The following ALG8 variants were observed in gnomAD, a reference collection of about 807,000 sequenced individuals.
ALG8 encodes the protein dolichyl pyrophosphate Glc1Man9GlcNAc2 alpha-1,3-glucosyltransferase.
A neutral mutation model predicts 70.2 loss-of-function variants in ALG8; 48 were observed. That is an observed-to-expected ratio of 0.68 (90% CI 0.54 to 0.87). The LOEUF is 0.87. ALG8 is among the 40% of genes least tolerant of loss of function. The pLI, the probability that ALG8 is intolerant of heterozygous loss-of-function variation, is 0.00. For synonymous variants in ALG8, 234 were observed against 229.0 expected (o/e 1.02, Z -0.20); for missense variants, 572 against 608.7 (o/e 0.94, Z 0.64).
In ALG8 at chr11:78,101,898, G is replaced by A. The variant is rs12279480; in HGVS notation, c.1350-703C>T. Among the ~76,000 whole-genome samples, 349 of 152,296 alleles carry A rather than the reference G, an allele frequency of 2.3e-3. 1 individual carries two copies. Among genetic ancestry groups the A allele is most frequent in the African/African-American group, 8.3e-3 (344 of 41,564 alleles). ...GCTCTGTCACCCAGACTGGAGTGCAGTGGTGCAATCTCAGCTTACTGCAAC... is the reference window on the plus strand; with the variant it reads ...GCTCTGTCACCCAGACTGGAGTGCAATGGTGCAATCTCAGCTTACTGCAAC... On this transcript the variant is annotated intron_variant, in intron 12 of 12. Coordinates refer to ENST00000299626, the MANE Select transcript of ALG8 (RefSeq NM_024079.5).
At chr11:78,123,976 AT>A (rs779968989) in intron 3 of ALG8, 44 bp downstream of exon 3, 7 of 1,603,368 alleles carry the variant, frequency 4.4e-6, no homozygotes, top group Non-Finnish European at 6.0e-6. Flanking sequence ...ACACTGTACT[AT>A]TTTTTCAATA....
At chr11:78,112,999 G>A (rs538268798) in intron 7 of ALG8, among the ~76,000 whole-genome samples, 84 of 152,086 alleles carry the variant, frequency 5.5e-4, no homozygotes, top group Non-Finnish European at 8.4e-4. Flanking sequence ...CTGAATACCC[G>A]TCCATACTAT....
rs1861300128 is a variant in ALG8, at chr11:78,131,291, T to C, written c.96-3855A>G. 2.0e-5 allele frequency among the ~76,000 whole-genome samples: 3 copies of C among 150,366 alleles called. No individual in the cohort carries two copies. In the South Asian group the frequency reaches 6.3e-4, roughly 32 times the overall value. ...ACATAATGATAAATAGTAACTACTT[T>C]TTTAAATTGCATTAACAAAATCTAC... On this transcript the variant is annotated intron_variant, in intron 1 of 12. Coordinates refer to ENST00000299626, the MANE Select transcript of ALG8 (RefSeq NM_024079.5).
At chr11:78,104,497 C>T in intron 10 of ALG8, 44 bp from the exon 11 acceptor site, 4 of 1,507,702 alleles carry the variant, frequency 2.7e-6, no homozygotes, top group Non-Finnish European at 2.7e-6. Flanking sequence ...TGTTATTACA[C>T]TTGCAAATAG....
In ALG8 at chr11:78,117,922, T is replaced by A. The variant is rs553476542; in HGVS notation, c.546+1260A>T. On this transcript the variant is annotated intron_variant, in intron 5 of 12. Coordinates refer to ENST00000299626, the MANE Select transcript of ALG8 (RefSeq NM_024079.5). The stretch of plus-strand genomic sequence containing the variant: ...CCGTCTCTACTAAAAATACAAAAAA[T>A]TAGCCGGGCGTGGTGGCAGGCGCCT... 1.3e-4 allele frequency among the ~76,000 whole-genome samples: 20 copies of A among 151,650 alleles called. No homozygotes were observed. The South Asian group carries it at 2.3e-3, about 17-fold the overall frequency.
chr11:78,112,834 A>G, intron 7 of ALG8, 64 bp from the exon 8 acceptor site: 1 of 1,578,302 alleles, frequency 6.3e-7, no homozygotes, highest in Non-Finnish European at 8.6e-7. Flanking sequence ...CAAAAAGAGA[A>G]CTAGGGAACT....
chr11:78,103,805 G>A (rs1227172717), intron 12 of ALG8, among the ~76,000 whole-genome samples, 175 bp downstream of exon 12: 1 of 152,126 alleles, frequency 6.6e-6, no homozygotes, highest in Non-Finnish European at 1.5e-5. Context: ...CACAAACTAT[G>A]TTGTCTCGAC....
At chr11:78,130,358 A>AAAAAAAAAAG (rs1861255749) in intron 1 of ALG8, among the ~76,000 whole-genome samples, 1 of 150,660 alleles carries the variant, frequency 6.6e-6, no homozygotes, top group Non-Finnish European at 1.5e-5. Context: ...CAAAAAAAAA[A>AAAAAAAAAAG]AAAAAAAAAG....
chr11:78,106,601 CAG>C (rs1327358759), intron 10 of ALG8, among the ~76,000 whole-genome samples: 1 of 152,144 alleles, frequency 6.6e-6, no homozygotes, highest in African/African-American at 2.4e-5. Flanking sequence ...AACGCAGAAA[CAG>C]AAATAGTACA....
chr11:78,109,461 C>A lies in ALG8; in HGVS notation c.1019G>T (p.Cys340Phe). 1 of 1,614,092 alleles carries A rather than the reference C, an allele frequency of 6.2e-7. No individual in the cohort carries two copies. Among genetic ancestry groups the A allele is most frequent in the Non-Finnish European group, 8.5e-7 (1 of 1,180,012 alleles). The part of the protein sequence containing the change: ...PSVTPLATLI[C>F]TLIAILPSIF... ...TCTTACCAATATGGCAATCAGTGTG[C>A]AGATGAGGGTTGCCAAGGGAGTCAC... Residue 340 changes from cysteine to phenylalanine, a missense_variant, in exon 9 of 13, where the codon TGC (cysteine) becomes TTC (phenylalanine). Transcript: ENST00000299626.
In ALG8 at chr11:78,111,949, A is replaced by T. The variant is rs1161666412; in HGVS notation, c.898+701T>A. Among the ~76,000 whole-genome samples, 10 of 152,232 alleles carry T rather than the reference A, an allele frequency of 6.6e-5. No homozygotes were observed. In the East Asian group the frequency reaches 1.9e-3, roughly 29 times the overall value. On this transcript the variant is annotated intron_variant, in intron 8 of 12. Coordinates refer to ENST00000299626, the MANE Select transcript of ALG8 (RefSeq NM_024079.5). ...TTTAATACCGAGAGTCACAACTTAC[A>T]TATTCTTCTTTCTTGTATGTTTAGG...
chr11:78,104,545 C>CT, intron 10 of ALG8, 92 bp from the exon 11 acceptor site: 1 of 1,168,614 alleles, frequency 8.6e-7, no homozygotes, highest in South Asian at 1.4e-5. Context: ...TTAGAACTGG[C>CT]TGAGGCATAG....
chr11:78,114,628 C>A, intron 5 of ALG8: 1 of 551,702 alleles, frequency 1.8e-6, no homozygotes. Context: ...ATTTCTACAA[C>A]TTTTCTGGAA....
chr11:78,108,157 G>T (rs548284633), intron 9 of ALG8, among the ~76,000 whole-genome samples: 74 of 152,256 alleles, frequency 4.9e-4, no homozygotes, highest in Non-Finnish European at 8.7e-4. Context: ...GTGCATGCCT[G>T]TAGTTCCAGC....
intron 1 of ALG8, among the ~76,000 whole-genome samples, chr11:78,138,442 G>A (rs1308850190): frequency 1.3e-5 from 2 of 151,610 alleles, no homozygotes; most frequent in East Asian, 1.9e-4. Context: ...CTTATGCACA[G>A]ACCTACAGTT....
intron 9 of ALG8, among the ~76,000 whole-genome samples, chr11:78,108,745 T>TA (rs2136889428): frequency 6.6e-6 from 1 of 152,354 alleles, no homozygotes; most frequent in East Asian, 1.9e-4. Flanking sequence ...ATTATCTACA[T>TA]ACCTGTACTG....
chr11:78,135,948 C>T (rs769048997), intron 1 of ALG8, among the ~76,000 whole-genome samples: 24 of 151,568 alleles, frequency 1.6e-4, no homozygotes, highest in Non-Finnish European at 2.4e-4. Context: ...ACAGGTGGAT[C>T]GCTTGAGGTC....
chr11:78,132,832 CAT>C (rs1491584258), intron 1 of ALG8, among the ~76,000 whole-genome samples: 19 of 107,764 alleles, frequency 1.8e-4, no homozygotes, highest in Admixed American at 1.6e-3. Context: ...CTTCTTCTTC[CAT>C]TTTTTTTTTT....
chr11:78,130,907 A>C (rs1022883262), intron 1 of ALG8, among the ~76,000 whole-genome samples: 1 of 152,108 alleles, frequency 6.6e-6, no homozygotes, highest in Non-Finnish European at 1.5e-5. Context: ...AGATTTACTC[A>C]ATTTGTCCTT....
Sources: gnomAD v4.1 joint callset for allele counts (sites outside exome capture counted in the v4.1 genomes callset) on GRCh38, gnomAD v4.1.1 for gene constraint, MANE v1.5 for transcripts, NCBI Gene and HGNC (gene_info 2026-07-23, HGNC 2026-07-21) for gene names.